Variants in OAS3 observed in about 807,000 individuals in gnomAD.
OAS3 encodes 2'-5'-oligoadenylate synthase 3.
In OAS3, 107 loss-of-function variants were observed where a neutral mutation model predicts 113.0. The observed-to-expected ratio is 0.95, with a 90% confidence interval of 0.81 to 1.11. OAS3 has a LOEUF of 1.11. Ranked by LOEUF, OAS3 falls within the 50% of genes most tolerant of loss-of-function variation. The pLI, the probability that OAS3 is intolerant of heterozygous loss-of-function variation, is 0.00. For synonymous variants in OAS3, 552 were observed against 573.6 expected (o/e 0.96, Z 0.54); for missense variants, 1,258 against 1,389.1 (o/e 0.91, Z 1.50).
In OAS3 at chr12:112,965,760, A is replaced by G; in HGVS notation, c.2420A>G (p.Lys807Arg). The change falls in exon 12 of 16, where the codon AAA (lysine) becomes AGA (arginine). Residue 807 changes from lysine (K) to arginine (R), a missense_variant. Physicochemically the swap from Lys to Arg is conservative, Grantham distance 26. Transcript: ENST00000228928. ...CCTCTCCAGGGTGGCTCTTCAGCCA[A>G]AGGCACAGCTCTGCGAGGCCGCTCA... ...IKVVKGGSSA[K>R]GTALRGRSDA... 6.2e-7 allele frequency: 1 copy of G among 1,611,520 alleles called. No homozygotes were observed. The highest frequency in any genetic ancestry group is 1.1e-5 in the South Asian group (1 of 90,872).
intron 7 of OAS3, among the ~76,000 whole-genome samples, chr12:112,956,278 A>G (rs184757817): frequency 6.6e-6 from 1 of 152,036 alleles, no homozygotes; most frequent in Non-Finnish European, 1.5e-5. Context: ...TCATCTTTTC[A>G]AAAAACCAGC....
chr12:112,960,342 C>T (rs58603713), intron 7 of OAS3, among the ~76,000 whole-genome samples: 1,696 of 152,122 alleles, frequency 0.011, 38 homozygotes, highest in African/African-American at 0.039. Context: ...TTCTTTTTTC[C>T]CCCACCCAGA....
chr12:112,948,883 C>G lies in OAS3; in HGVS notation c.1052C>G (p.Ser351Ter). 3.8e-6 allele frequency: 6 copies of G among 1,585,654 alleles called. No homozygotes were observed. Among genetic ancestry groups the G allele is most frequent in the Non-Finnish European group, 5.2e-6 (6 of 1,164,784 alleles). The change falls in exon 6 of 16, where the codon TCA (serine) becomes TGA (stop). Residue 351 changes from serine (S) to a stop codon, truncating the protein, a stop_gained. Transcript: ENST00000228928. LOFTEE classifies it high-confidence loss of function. ...KGPGLPRAGC[S>*]GLGHPIQLDP... is the part of the protein sequence containing the mutation. ...CAGGGCCTTCCACGTGCTGGATGCT[C>G]AGGTTTGGGCCACCCCATCCAGCTA...
rs1361651605 is a variant in OAS3, at chr12:112,947,923, T to G, written c.876-23T>G. 3.2e-6 allele frequency: 5 copies of G among 1,561,174 alleles called. No individual in the cohort carries two copies. In the East Asian group the frequency reaches 9.8e-5, roughly 30 times the overall value. On this transcript the variant is annotated intron_variant, in intron 4 of 15. Transcript: ENST00000228928. ...CAGAGCCCTCTTGCTAACCAGAACC[T>G]TCTTGTCTCTCTGAAATTGCAGGCC...
chr12:112,967,802 A>G (rs2043949175), intron 13 of OAS3, 134 bp from the exon 14 acceptor site: 2 of 1,138,724 alleles, frequency 1.8e-6, no homozygotes, highest in Non-Finnish European at 2.5e-6. Context: ...TGATGGGATA[A>G]TGCATGGCAA....
At chr12:112,957,031 C>G (rs1045883708) in intron 7 of OAS3, among the ~76,000 whole-genome samples, 1 of 152,034 alleles carries the variant, frequency 6.6e-6, no homozygotes, top group Non-Finnish European at 1.5e-5. Context: ...CTGTATTGGG[C>G]GCATATATAT....
In OAS3 at chr12:112,961,441, A is replaced by G. The variant is rs561635205; in HGVS notation, c.1833+195A>G. 2.6e-5 allele frequency among the ~76,000 whole-genome samples: 4 copies of G among 152,262 alleles called. No homozygotes were observed. The South Asian group carries it at 8.3e-4, about 32-fold the overall frequency. On this transcript the variant is annotated intron_variant, in intron 8 of 15. Coordinates refer to ENST00000228928, the MANE Select transcript of OAS3 (RefSeq NM_006187.4). The stretch of plus-strand genomic sequence containing the variant: ...ACTGTTAGAAAAAAATCTCTTCTCC[A>G]TCAAGTCTAAAGTCTTCATTTCTTG...
Position 112,971,371 on chromosome 12 carries a change from G to A in OAS3, c.*1398G>A, listed in dbSNP as rs2072134. The A allele has an allele frequency of 5.2e-3, 805 of 153,766 alleles. 55 individuals carry two copies. The East Asian group carries it at 0.15, about 28-fold the overall frequency. 9.5% of individuals were successfully genotyped at this position (153,766 alleles called of 1,614,324 possible). A position where few individuals can be genotyped will look rare whatever the true frequency, so the allele number is the denominator to read the frequency against. On this transcript the variant is annotated 3_prime_UTR_variant, in exon 16 of 16. Transcript: ENST00000228928. ...GGATGGCCAGCTGCCAGAGCTGCGG[G>A]AAGACGGATCCCACCTCCCTTTCTT...
At chr12:112,965,665 A>C (rs1202610700) in intron 11 of OAS3, 79 bp from the exon 12 acceptor site, 7 of 1,346,060 alleles carry the variant, frequency 5.2e-6, no homozygotes, top group Non-Finnish European at 7.1e-6. Context: ...GTCACACAGT[A>C]GGTTTTCTAA....
rs2043908831 is a variant in OAS3, at chr12:112,963,602, T to G, written c.2229+145T>G. 1 of 780,484 alleles carries G rather than the reference T, an allele frequency of 1.3e-6. No homozygotes were observed. Among genetic ancestry groups the G allele is most frequent in the South Asian group, 2.6e-5 (1 of 37,906 alleles). 48.3% of individuals were successfully genotyped at this position (780,484 alleles called of 1,614,324 possible). Reference sequence around the variant, plus strand: ...GCCACCCCTTCTCTGGAGACTTGCCTTTCATGAAATGCACAGATTGCTACG... The same window carrying G: ...GCCACCCCTTCTCTGGAGACTTGCCGTTCATGAAATGCACAGATTGCTACG... On this transcript the variant is annotated intron_variant, in intron 10 of 15. Transcript: ENST00000228928. The surrounding 1 kb of genome is among the most constrained non-coding windows in gnomAD (Gnocchi z 4.6).
intron 4 of OAS3, 116 bp from the exon 5 acceptor site, chr12:112,947,830 A>C: frequency 1.1e-6 from 1 of 922,796 alleles, no homozygotes; most frequent in Non-Finnish European, 1.6e-6. Flanking sequence ...GAGAGGGTAA[A>C]TCATTTGCCC....
chr12:112,950,614 G>A, intron 6 of OAS3, 79 bp from the exon 7 acceptor site: 2 of 1,519,326 alleles, frequency 1.3e-6, no homozygotes, highest in Non-Finnish European at 1.8e-6. Context: ...GGCTGTAGAT[G>A]GGGCGCAGGT....
chr12:112,951,139 T>A (rs1160150188), intron 7 of OAS3, among the ~76,000 whole-genome samples, 164 bp downstream of exon 7: 1 of 152,196 alleles, frequency 6.6e-6, no homozygotes, highest in Non-Finnish European at 1.5e-5. Flanking sequence ...ATCTTACAAC[T>A]ATTTAGTGCT....
Position 112,969,670 on chromosome 12 carries a change from T to G in OAS3, c.3167T>G (p.Leu1056Arg), listed in dbSNP as rs756964379. The change falls in exon 15 of 16, where the codon CTG becomes CGG. Residue 1056 changes from leucine (L) to arginine (R), a missense_variant. Leu to Arg is a moderately radical substitution (Grantham distance 102). Coordinates refer to ENST00000228928, the MANE Select transcript of OAS3 (RefSeq NM_006187.4). ...CTGGGCCACAATGCCCGCTGGGACC[T>G]GCTGGCCAAGGAAGCTGCAGCCTGC... ...GNLGHNARWD[L>R]LAKEAAACTS... The G allele has an allele frequency of 6.2e-7, 1 of 1,611,002 alleles. No homozygotes were observed. Among genetic ancestry groups the G allele is most frequent in the Admixed American group, 1.7e-5 (1 of 59,668 alleles).
intron 4 of OAS3, 78 bp downstream of exon 4, chr12:112,947,059 C>T: frequency 1.6e-6 from 2 of 1,231,556 alleles, no homozygotes; most frequent in Non-Finnish European, 2.3e-6. Flanking sequence ...AAACCGGTTA[C>T]ATCTACTGAG....
intron 3 of OAS3, 43 bp from the exon 4 acceptor site, chr12:112,946,700 T>C (rs1593175537): frequency 6.5e-7 from 1 of 1,527,404 alleles, no homozygotes; most frequent in Non-Finnish European, 8.9e-7. Flanking sequence ...CTCTCTTTCC[T>C]CCCCTTCTTC....
rs796289868 is a variant in OAS3 at position 112,972,652 on chromosome 12, G to A, written c.*2679G>A. Reference sequence around the variant, plus strand: ...GCCTCTGATACTTAAACAGCATGGCGCTGGTACGTAAATAGACCAATGCAG... The same window carrying A: ...GCCTCTGATACTTAAACAGCATGGCACTGGTACGTAAATAGACCAATGCAG... On this transcript the variant is annotated 3_prime_UTR_variant, in exon 16 of 16. Coordinates refer to ENST00000228928, the MANE Select transcript of OAS3 (RefSeq NM_006187.4). 6.6e-5 allele frequency: 10 copies of A among 152,290 alleles called. No individual in the cohort carries two copies. Among genetic ancestry groups the A allele is most frequent in the African/African-American group, 9.6e-5 (4 of 41,550 alleles). 9.4% of individuals were successfully genotyped at this position (152,290 alleles called of 1,614,324 possible).
intron 7 of OAS3, among the ~76,000 whole-genome samples, chr12:112,957,529 T>C (rs1244641072): frequency 6.6e-6 from 1 of 152,242 alleles, no homozygotes; most frequent in Non-Finnish European, 1.5e-5. Flanking sequence ...AAGGCAGGCC[T>C]GGTGGTGACA....
At chr12:112,941,970 C>A (rs1435600036) in intron 2 of OAS3, 118 bp downstream of exon 2, 9 of 1,226,564 alleles carry the variant, frequency 7.3e-6, no homozygotes, top group African/African-American at 3.0e-5. Flanking sequence ...GCCTCTACCC[C>A]TCTCTCAGCC....
Sources: allele counts gnomAD v4.1 joint callset (sites outside exome capture counted in the v4.1 genomes callset), GRCh38; gene constraint gnomAD v4.1.1; non-coding constraint Gnocchi (gnomAD v3.1); transcripts MANE v1.5; gene names NCBI Gene and HGNC (gene_info 2026-07-23, HGNC 2026-07-21).